CACNA2D3: variants seen among roughly 807,000 people sequenced by gnomAD.
CACNA2D3 encodes calcium voltage-gated channel auxiliary subunit alpha2delta 3.
A neutral mutation model predicts 160.6 loss-of-function variants in CACNA2D3; 60 were observed. The ratio of observed to expected loss-of-function variants is 0.37; its 90% CI spans 0.30 to 0.46. The LOEUF is 0.46. CACNA2D3 is among the 20% of genes least tolerant of loss of function. The probability of loss-of-function intolerance (pLI) is 1.00; values close to 1 mark genes in which losing one functional copy is unlikely to be tolerated. For synonymous variants in CACNA2D3, 558 were observed against 492.9 expected, an observed-to-expected ratio of 1.13 and a Z score of -1.75; for missense variants, 1,205 against 1,365.0, an observed-to-expected ratio of 0.88 and a Z score of 1.85.
chr3:54,478,962 A>G (rs1468564319), intron 4 of CACNA2D3, among the ~76,000 whole-genome samples: 2 of 151,906 alleles, frequency 1.3e-5, no homozygotes, highest in Non-Finnish European at 2.9e-5. Flanking sequence ...CCCATCTCAT[A>G]TATAGGTGAT....
intron 5 of CACNA2D3, among the ~76,000 whole-genome samples, chr3:54,506,155 A>C (rs6445676): frequency 0.97 from 148,263 of 152,242 alleles, 72,320 homozygotes; most frequent in East Asian, 1. Context: ...CTAATTCAAA[A>C]CAGCCCCTAA....
chr3:54,555,387 T>C (rs988482380), intron 5 of CACNA2D3, among the ~76,000 whole-genome samples: 2 of 152,054 alleles, frequency 1.3e-5, no homozygotes, highest in Non-Finnish European at 2.9e-5. Flanking sequence ...GATGCAAAAC[T>C]AATCTGGAAA....
At chr3:54,680,236 G>A (rs1700317346) in intron 11 of CACNA2D3, among the ~76,000 whole-genome samples, 1 of 152,140 alleles carries the variant, frequency 6.6e-6, no homozygotes, top group Non-Finnish European at 1.5e-5. Flanking sequence ...TACTTCCAAA[G>A]ATATACATTC....
intron 2 of CACNA2D3, among the ~76,000 whole-genome samples, chr3:54,302,053 T>G (rs1441155492): frequency 1.3e-5 from 2 of 152,216 alleles, no homozygotes; most frequent in African/African-American, 4.8e-5. Context: ...CTTTTCTGAT[T>G]CCTGATCTAG....
chr3:54,968,612 T>C (rs1702205985), intron 28 of CACNA2D3, 101 bp downstream of exon 28: 3 of 820,486 alleles, frequency 3.7e-6, no homozygotes, highest in Admixed American at 4.3e-5. Flanking sequence ...TTCCGATGAA[T>C]GTTTGTAAAA....
chr3:54,557,918 T>C (rs1702264633), intron 5 of CACNA2D3, among the ~76,000 whole-genome samples: 1 of 152,140 alleles, frequency 6.6e-6, no homozygotes, highest in Admixed American at 6.5e-5. Context: ...CCCAGTTACC[T>C]CAGTGATCTG....
At chr3:54,145,515 A>G (rs899352068) in intron 2 of CACNA2D3, among the ~76,000 whole-genome samples, 1 of 152,230 alleles carries the variant, frequency 6.6e-6, no homozygotes, top group Admixed American at 6.5e-5. Context: ...GATGTCTAAG[A>G]AAGAAGAAGG....
In CACNA2D3 at chr3:54,660,439, C is replaced by T. The variant is rs148623275; in HGVS notation, c.1167+18198C>T. On this transcript the variant is annotated intron_variant, in intron 11 of 37. Coordinates refer to ENST00000474759, the MANE Select transcript of CACNA2D3 (RefSeq NM_018398.3). ...CCTCCCAAAGTGCTGGGATTACAGG[C>T]GTGAGCCACCGCACCCGGCTGCTTT... Among the ~76,000 whole-genome samples, 9 of 152,284 alleles carry T rather than the reference C, an allele frequency of 5.9e-5. No individual in the cohort carries two copies. In the East Asian group the frequency reaches 9.7e-4, roughly 16 times the overall value.
At chr3:54,430,872 T>C (rs1699979791) in intron 4 of CACNA2D3, among the ~76,000 whole-genome samples, 1 of 152,116 alleles carries the variant, frequency 6.6e-6, no homozygotes, top group Admixed American at 6.6e-5. Flanking sequence ...GCACAGTAAA[T>C]AATTTGAGTA....
At chr3:55,023,370 C>A (rs1044042650) in intron 35 of CACNA2D3, among the ~76,000 whole-genome samples, 4 of 152,022 alleles carry the variant, frequency 2.6e-5, no homozygotes, top group African/African-American at 9.7e-5. Flanking sequence ...CCTTTTGATC[C>A]TGTCTGGTCT....
chr3:54,604,273 TG>T (rs969893616), intron 9 of CACNA2D3, among the ~76,000 whole-genome samples: 2 of 152,150 alleles, frequency 1.3e-5, no homozygotes, highest in African/African-American at 4.8e-5. Context: ...GCAAGAGTGA[TG>T]AAGTCCCTTC....
chr3:54,474,547 T>C (rs1360337439), intron 4 of CACNA2D3, among the ~76,000 whole-genome samples: 1 of 151,908 alleles, frequency 6.6e-6, no homozygotes, highest in Non-Finnish European at 1.5e-5. Flanking sequence ...TAAAGTATAA[T>C]AATAACTTTA....
chr3:54,382,489 C>A (rs1699119586), intron 3 of CACNA2D3, among the ~76,000 whole-genome samples: 1 of 152,140 alleles, frequency 6.6e-6, no homozygotes, highest in South Asian at 2.1e-4. Flanking sequence ...ATTTTATTAA[C>A]TGGAGAAACT....
At chr3:54,639,270 G>A (rs954921360) in intron 10 of CACNA2D3, 2 of 151,942 alleles carry the variant, frequency 1.3e-5, no homozygotes, top group African/African-American at 4.9e-5. Context: ...GAAGGAGAAG[G>A]GGTTGAGGGG....
intron 4 of CACNA2D3, among the ~76,000 whole-genome samples, chr3:54,492,084 A>T (rs1490607070): frequency 6.6e-6 from 1 of 152,160 alleles, no homozygotes; most frequent in South Asian, 2.1e-4. Context: ...TAAACTGGTG[A>T]TTAGGCCAGA....
At chr3:54,926,071 T>C (rs1482430439) in intron 27 of CACNA2D3, among the ~76,000 whole-genome samples, 5 of 152,224 alleles carry the variant, frequency 3.3e-5, no homozygotes, top group East Asian at 1.9e-4. Flanking sequence ...ACTTATGCAG[T>C]TGAACTTACT....
Position 54,763,782 on chromosome 3 carries a change from T to C in CACNA2D3, c.1247-436T>C, listed in dbSNP as rs1463228347. On this transcript the variant is annotated intron_variant, in intron 12 of 37. Transcript: ENST00000474759. ...ACACATATATATGTATATATGTACATATATATGTATATATATGTACATATA... is the reference window on the plus strand; with the variant it reads ...ACACATATATATGTATATATGTACACATATATGTATATATATGTACATATA... Among the ~76,000 whole-genome samples, 3 of 52,234 alleles carry C rather than the reference T, an allele frequency of 5.7e-5. 1 individual carries two copies. The highest frequency in any genetic ancestry group is 2.9e-4 in the Admixed American group (1 of 3,408). The allele number at this position is 52,234 out of a possible 152,430, so 34.3% of individuals were successfully genotyped here.
chr3:54,286,117 G>A (rs549699044), intron 2 of CACNA2D3, among the ~76,000 whole-genome samples: 2 of 152,182 alleles, frequency 1.3e-5, no homozygotes, highest in African/African-American at 2.4e-5. Flanking sequence ...GGCTTCAGAC[G>A]ATCAAACTAC....
intron 4 of CACNA2D3, among the ~76,000 whole-genome samples, chr3:54,449,724 G>T (rs1315846272): frequency 3.9e-5 from 6 of 152,268 alleles, no homozygotes; most frequent in Admixed American, 3.9e-4. Flanking sequence ...TGCCATGTAA[G>T]ATGCCTCACT....
Sources: allele counts gnomAD v4.1 joint callset (sites outside exome capture counted in the v4.1 genomes callset), GRCh38; gene constraint gnomAD v4.1.1; transcripts MANE v1.5; gene names NCBI Gene and HGNC (gene_info 2026-07-23, HGNC 2026-07-21).